Variants in SYCP2 observed in about 807,000 individuals in gnomAD.
SYCP2 encodes the protein synaptonemal complex lateral element protein.
SYCP2 carries 55 observed loss-of-function variants against 211.3 expected under a neutral mutation model. The observed-to-expected ratio is 0.26, with a 90% CI of 0.21 to 0.33. The LOEUF is 0.33. Among genes scored for constraint, SYCP2 ranks in the 10% least tolerant of loss-of-function variants. SYCP2 has a pLI of 1.00. For synonymous variants in SYCP2, 570 were observed against 555.2 expected, an observed-to-expected ratio of 1.03 and a Z score of -0.37; for missense variants, 1,731 against 1,752.0, an observed-to-expected ratio of 0.99 and a Z score of 0.21.
rs2059668072 is a variant in SYCP2 at position 59,881,005 on chromosome 20, A to G, written c.2733T>C (p.His911=). The G allele has an allele frequency of 2.0e-6, 3 of 1,503,142 alleles. No homozygotes were observed. The highest frequency in any genetic ancestry group is 1.4e-5 in the African/African-American group (1 of 72,074). The allele number at this position is 1,503,142 out of a possible 1,614,324, so 93.1% of individuals were successfully genotyped here. A position where few individuals can be genotyped will look rare whatever the true frequency, so the allele number is the denominator to read the frequency against. Residue 911 remains histidine (H), a synonymous_variant, in exon 30 of 45, where the codon CAT becomes CAC. Transcript: ENST00000357552. The part of the protein sequence containing the change: ...RSIRLVGPRN[H]DELKSSVKTK... The stretch of plus-strand genomic sequence containing the variant: ...TTTTGACAGAAGATTTAAGTTCATC[A>G]TGATTCCTTGGACCTACCCTTAAAC...
intron 2 of SYCP2, among the ~76,000 whole-genome samples, chr20:59,930,505 CCTTCT>C (rs1784887728): frequency 1.3e-5 from 2 of 152,284 alleles, no homozygotes; most frequent in South Asian, 4.1e-4. Flanking sequence ...CCATCTTCTT[CCTTCT>C]CTTTTTACTC....
intron 22 of SYCP2, among the ~76,000 whole-genome samples, 199 bp from the exon 23 acceptor site, chr20:59,892,900 A>ACATTCATTGTTTATACATTTTAAAAATCT (rs1340225704): frequency 3.9e-5 from 6 of 151,946 alleles, no homozygotes; most frequent in African/African-American, 1.4e-4. Flanking sequence ...ATATTTCTAC[A>ACATTCATTGTTTATACATTTTAAAAATCT]CATTCATTGT....
intron 35 of SYCP2, among the ~76,000 whole-genome samples, chr20:59,872,961 G>A (rs2059483181): frequency 6.6e-6 from 1 of 151,970 alleles, no homozygotes; most frequent in Non-Finnish European, 1.5e-5. Context: ...ACAGGTAAAT[G>A]GTAGGAATAT....
At chr20:59,899,859 GAACA>G (rs1398345769) in intron 18 of SYCP2, among the ~76,000 whole-genome samples, 1 of 151,632 alleles carries the variant, frequency 6.6e-6, no homozygotes, top group African/African-American at 2.4e-5. Context: ...TGCAATTATA[GAACA>G]AAAAGGATAC....
At position 59,864,247 on chromosome 20, in the gene SYCP2, C is replaced by T; in HGVS notation, c.*64G>A. On this transcript the variant is annotated 3_prime_UTR_variant, in exon 45 of 45. Transcript: ENST00000357552. ...ATATTTTTCTCTTTGTAGGACTATT[C>T]TTATTTCCTCAGTTATATACAGAGA... 1 of 1,177,236 alleles carries T rather than the reference C, an allele frequency of 8.5e-7. No homozygotes were observed. The highest frequency in any genetic ancestry group is 1.2e-6 in the Non-Finnish European group (1 of 823,848). The allele number at this position is 1,177,236 out of a possible 1,614,324, so 72.9% of individuals were successfully genotyped here.
chr20:59,867,105 C>CGGGGGG (rs373444865), intron 39 of SYCP2, among the ~76,000 whole-genome samples: 15 of 3,446 alleles, frequency 4.4e-3, no homozygotes, highest in Non-Finnish European at 5.9e-3. Context: ...AGACTGGGGG[C>CGGGGGG]GGGGGGGGGG....
In SYCP2 at chr20:59,893,683, A is replaced by C; in HGVS notation, c.1666-90T>G. The C allele has an allele frequency of 7.0e-6, 6 of 851,216 alleles. No homozygotes were observed. In the South Asian group the frequency reaches 1.4e-4, roughly 19 times the overall value. 52.7% of individuals were successfully genotyped at this position (851,216 alleles called of 1,614,324 possible). On this transcript the variant is annotated intron_variant, in intron 20 of 44. Coordinates refer to ENST00000357552, the MANE Select transcript of SYCP2 (RefSeq NM_014258.4). ...TATTAAGGTTTGAGTCTTTTAAAAC[A>C]AATCTGCCTTGATATGAAAAGTTGG...
chr20:59,902,827 TA>T (rs561535532), intron 15 of SYCP2, among the ~76,000 whole-genome samples: 1 of 152,172 alleles, frequency 6.6e-6, no homozygotes, highest in Non-Finnish European at 1.5e-5. Flanking sequence ...AGTAGTTTTT[TA>T]AAAGTTAAAC....
intron 16 of SYCP2, 90 bp downstream of exon 16, chr20:59,901,572 T>C: frequency 2.5e-6 from 2 of 799,156 alleles, no homozygotes; most frequent in East Asian, 5.5e-5. Flanking sequence ...TTAAGAATTC[T>C]AGAAAGGAAA....
chr20:59,880,683 A>G (rs952963451), intron 30 of SYCP2, among the ~76,000 whole-genome samples: 5 of 151,788 alleles, frequency 3.3e-5, no homozygotes, highest in Non-Finnish European at 5.9e-5. Flanking sequence ...TGATATTTGT[A>G]TTTTGGTGTT....
intron 36 of SYCP2, 36 bp from the exon 37 acceptor site, chr20:59,868,961 T>G (rs745430028): frequency 6.8e-7 from 1 of 1,468,554 alleles, no homozygotes; most frequent in East Asian, 2.3e-5. Context: ...AAAAATTCCG[T>G]AAATATATTT....
chr20:59,907,197 T>C (rs1421667786), intron 15 of SYCP2, among the ~76,000 whole-genome samples, 167 bp downstream of exon 15: 3 of 152,038 alleles, frequency 2.0e-5, no homozygotes, highest in Non-Finnish European at 4.4e-5. Context: ...AGCTGGGAGA[T>C]TAGTAGGGAA....
In SYCP2 at chr20:59,877,537, T is replaced by C; in HGVS notation, c.2998A>G (p.Thr1000Ala). The C allele has an allele frequency of 6.3e-7, 1 of 1,593,310 alleles. No homozygotes were observed. Among genetic ancestry groups the C allele is most frequent in the East Asian group, 2.2e-5 (1 of 44,452 alleles). ...SSKMTPSKNI[T>A]KKMDKTIPEG... ...GGAATTGTCTTGTCCATCTTTTTTGTGATATTTTTACTGGGTGTCTTTAGG... is the reference window on the plus strand; with the variant it reads ...GGAATTGTCTTGTCCATCTTTTTTGCGATATTTTTACTGGGTGTCTTTAGG... The change falls in exon 33 of 45, where the codon ACA becomes GCA. Residue 1000 changes from threonine to alanine, a missense_variant. Physicochemically the swap from Thr to Ala is moderately conservative, Grantham distance 58 (BLOSUM62 0). This residue lies in a region of SYCP2 where 1,387 missense variants were observed against 1,351.3 expected (regional missense o/e 1.03). Transcript: ENST00000357552.
chr20:59,923,031 A>G (rs1438740763), intron 2 of SYCP2, among the ~76,000 whole-genome samples: 1 of 151,932 alleles, frequency 6.6e-6, no homozygotes, highest in East Asian at 1.9e-4. Flanking sequence ...TCACTTTCCC[A>G]AAGTTATCTG....
chr20:59,923,987 GCT>G (rs1361233453), intron 2 of SYCP2, among the ~76,000 whole-genome samples: 3 of 151,798 alleles, frequency 2.0e-5, no homozygotes, highest in African/African-American at 7.3e-5. Context: ...CCAATATGCT[GCT>G]CTGACATATT....
intron 7 of SYCP2, 85 bp from the exon 8 acceptor site, chr20:59,916,656 G>C: frequency 2.2e-6 from 2 of 917,646 alleles, no homozygotes; most frequent in South Asian, 1.4e-5. Flanking sequence ...TTAGTGGAAA[G>C]GGGCCAGGCA....
In SYCP2 at chr20:59,893,534, G is replaced by T. The variant is rs2059950178; in HGVS notation, c.1725C>A (p.Asn575Lys). 1.0e-5 allele frequency: 16 copies of T among 1,605,752 alleles called. No individual in the cohort carries two copies. The highest frequency in any genetic ancestry group is 1.4e-5 in the Non-Finnish European group (16 of 1,174,584). Residue 575 changes from asparagine to lysine, a missense_variant, in exon 21 of 45, where the codon AAC becomes AAA. Physicochemically the swap from Asn to Lys is moderately conservative, Grantham distance 94. Around this residue, in one of 3 missense-constraint regions of SYCP2, gnomAD observed 1,387 missense variants for 1,351.3 expected, o/e 1.03. Transcript: ENST00000357552. ...CCACAAGGTACTTACTAAAATTTTG[G>T]TTTGGGAATTCAACATTCTTATTTT... ...NTENKNVEFP[N>K]QNFSELQDVI...
chr20:59,882,681 A>G (rs1306775941), intron 26 of SYCP2, among the ~76,000 whole-genome samples: 1 of 152,194 alleles, frequency 6.6e-6, no homozygotes, highest in Non-Finnish European at 1.5e-5. Context: ...CCAAACACAG[A>G]AAGACAAATA....
At chr20:59,930,265 TAA>T (rs138119511) in intron 2 of SYCP2, among the ~76,000 whole-genome samples, 2 of 148,982 alleles carry the variant, frequency 1.3e-5, no homozygotes, top group African/African-American at 4.9e-5. Context: ...TCCATAATAA[TAA>T]AAAAAAAATG....
Sources: allele counts gnomAD v4.1 joint callset (sites outside exome capture counted in the v4.1 genomes callset), GRCh38; gene constraint gnomAD v4.1.1; regional missense constraint gnomAD v4.1.1; transcripts MANE v1.5; gene names NCBI Gene and HGNC (gene_info 2026-07-23, HGNC 2026-07-21).